Variants in XKR4 observed in about 807,000 individuals in gnomAD.
XKR4 encodes the protein XK related 4.
A neutral mutation model predicts 53.9 loss-of-function variants in XKR4; 12 were observed. The observed-to-expected ratio is 0.22, with a 90% CI of 0.14 to 0.36. XKR4 has a LOEUF of 0.36. Among genes scored for constraint, XKR4 ranks in the 10% least tolerant of loss-of-function variants. The pLI is 1.00. For synonymous variants in XKR4, 354 were observed against 362.4 expected, an observed-to-expected ratio of 0.98 and a Z score of 0.26; for missense variants, 799 against 859.5, an observed-to-expected ratio of 0.93 and a Z score of 0.88.
intron 2 of XKR4, among the ~76,000 whole-genome samples, chr8:55,359,224 G>A (rs1407984737): frequency 1.3e-5 from 2 of 152,200 alleles, no homozygotes; most frequent in South Asian, 4.1e-4. Flanking sequence ...TTTTCGTTGC[G>A]TCTGGTGGTT....
chr8:55,403,737 C>T (rs1326507234), intron 2 of XKR4, among the ~76,000 whole-genome samples: 2 of 152,236 alleles, frequency 1.3e-5, no homozygotes, highest in African/African-American at 4.8e-5. Flanking sequence ...CTAGCCTCTC[C>T]CCACCAACTT....
In XKR4 at chr8:55,537,792, C is replaced by T. The variant is rs1807049814; in HGVS notation, c.*13565C>T. ...CCCCCCAGGCCCCACAACATCATCA[C>T]TGTGAGTCCTATCGCAGATGTGTGT... is the stretch of plus-strand genomic sequence containing the variant. On this transcript the variant is annotated 3_prime_UTR_variant, in exon 3 of 3. Coordinates refer to ENST00000327381, the MANE Select transcript of XKR4 (RefSeq NM_052898.2). 6.6e-6 allele frequency: 1 copy of T among 152,232 alleles called. No homozygotes were observed. Among genetic ancestry groups the T allele is most frequent in the Admixed American group, 6.5e-5 (1 of 15,292 alleles). 9.4% of individuals were successfully genotyped at this position (152,232 alleles called of 1,614,324 possible).
intron 2 of XKR4, among the ~76,000 whole-genome samples, chr8:55,522,055 G>A (rs556706186): frequency 1.3e-5 from 2 of 152,284 alleles, no homozygotes; most frequent in Admixed American, 6.5e-5. Context: ...ATGCAGATTG[G>A]CATACCATTT....
chr8:55,306,702 G>A (rs67783928), intron 1 of XKR4, among the ~76,000 whole-genome samples: 3,165 of 152,220 alleles, frequency 0.021, 40 homozygotes, highest in Non-Finnish European at 0.033. Flanking sequence ...ACAGCACGTG[G>A]GAATTCAAGA....
At chr8:55,218,974 A>G (rs2129365006) in intron 1 of XKR4, among the ~76,000 whole-genome samples, 1 of 152,038 alleles carries the variant, frequency 6.6e-6, no homozygotes, top group Non-Finnish European at 1.5e-5. Context: ...CCCACCCAGC[A>G]AAATTTTAGA....
chr8:55,522,159 A>C (rs964104445), intron 2 of XKR4, among the ~76,000 whole-genome samples: 19 of 152,366 alleles, frequency 1.2e-4, no homozygotes, highest in African/African-American at 4.3e-4. Context: ...ATAGAGATGA[A>C]CTGTGCCATA....
chr8:55,253,731 CTTT>C (rs67608017), intron 1 of XKR4, among the ~76,000 whole-genome samples: 6 of 113,696 alleles, frequency 5.3e-5, no homozygotes, highest in Non-Finnish European at 7.4e-5. Flanking sequence ...ATTTTCTTTT[CTTT>C]TTTTTTTTTT....
At chr8:55,183,667 A>G (rs1459599457) in intron 1 of XKR4, among the ~76,000 whole-genome samples, 1 of 152,156 alleles carries the variant, frequency 6.6e-6, no homozygotes, top group African/African-American at 2.4e-5. Flanking sequence ...GTGGTTTATT[A>G]GGGTGAATGG....
At chr8:55,205,092 G>C (rs769467700) in intron 1 of XKR4, among the ~76,000 whole-genome samples, 1 of 152,134 alleles carries the variant, frequency 6.6e-6, no homozygotes, top group Non-Finnish European at 1.5e-5. Context: ...AGCACAGCTG[G>C]AAAAGTGAAA....
intron 1 of XKR4, among the ~76,000 whole-genome samples, chr8:55,249,644 A>T (rs776910622): frequency 3.9e-5 from 6 of 152,242 alleles, no homozygotes; most frequent in Non-Finnish European, 5.9e-5. Flanking sequence ...AGCTCCATCA[A>T]ATGCAGCATC....
At chr8:55,339,035 A>G (rs76466880) in intron 1 of XKR4, among the ~76,000 whole-genome samples, 2,319 of 152,350 alleles carry the variant, frequency 0.015, 63 homozygotes, top group African/African-American at 0.053. Context: ...ATGAAATAGT[A>G]TATCAAGTTC....
intron 1 of XKR4, among the ~76,000 whole-genome samples, chr8:55,267,829 G>A (rs562798462): frequency 3.3e-5 from 5 of 152,188 alleles, no homozygotes; most frequent in South Asian, 4.1e-4. Flanking sequence ...TGCACCTCAC[G>A]TCCAATTATT....
intron 2 of XKR4, among the ~76,000 whole-genome samples, chr8:55,466,202 G>T (rs1468377099): frequency 6.6e-6 from 1 of 152,116 alleles, no homozygotes; most frequent in Non-Finnish European, 1.5e-5. Flanking sequence ...GTTTATTGCG[G>T]CACTATTCAC....
intron 1 of XKR4, among the ~76,000 whole-genome samples, chr8:55,198,102 T>A (rs1206806594): frequency 6.6e-6 from 1 of 152,170 alleles, no homozygotes; most frequent in East Asian, 1.9e-4. Context: ...CGCAGGAACA[T>A]CTCTATCACG....
intron 2 of XKR4, among the ~76,000 whole-genome samples, chr8:55,431,641 A>G (rs1805106849): frequency 1.3e-5 from 2 of 152,204 alleles, no homozygotes; most frequent in African/African-American, 2.4e-5. Flanking sequence ...AGTGTGTACA[A>G]CTTCTCAATT....
chr8:55,292,325 A>G (rs1034011708), intron 1 of XKR4, among the ~76,000 whole-genome samples: 5 of 151,924 alleles, frequency 3.3e-5, no homozygotes, highest in Non-Finnish European at 7.4e-5. Flanking sequence ...TATGAATTCA[A>G]TTTTTCTTAA....
At chr8:55,409,902 A>G (rs1194719752) in intron 2 of XKR4, among the ~76,000 whole-genome samples, 1 of 152,138 alleles carries the variant, frequency 6.6e-6, no homozygotes, top group African/African-American at 2.4e-5. Flanking sequence ...CTAAAACTTA[A>G]ATACTTTTGC....
intron 2 of XKR4, among the ~76,000 whole-genome samples, chr8:55,498,915 GGGACTCAGAGAAGCGAAA>G (rs1324865341): frequency 6.6e-6 from 1 of 152,188 alleles, no homozygotes; most frequent in Non-Finnish European, 1.5e-5. Flanking sequence ...TGAGGAAATT[GGGACTCAGAGAAGCGAAA>G]GGACTTGACT....
At chr8:55,216,538 T>G (rs914046753) in intron 1 of XKR4, among the ~76,000 whole-genome samples, 5 of 151,832 alleles carry the variant, frequency 3.3e-5, no homozygotes, top group African/African-American at 1.2e-4. Context: ...GACCAGCCTG[T>G]CCAACATGGA....
Sources: gnomAD v4.1 joint callset for allele counts (sites outside exome capture counted in the v4.1 genomes callset) on GRCh38, gnomAD v4.1.1 for gene constraint, MANE v1.5 for transcripts, NCBI Gene and HGNC (gene_info 2026-07-23, HGNC 2026-07-21) for gene names.